The following PPP3CA variants were observed in gnomAD, a reference collection of about 807,000 sequenced individuals.
The protein encoded by PPP3CA is protein phosphatase 3 catalytic subunit alpha.
A neutral mutation model predicts 66.5 loss-of-function variants in PPP3CA; 14 were observed. The ratio of observed to expected loss-of-function variants is 0.21; its 90% CI spans 0.14 to 0.33. The LOEUF (loss-of-function observed/expected upper bound fraction) is 0.33. PPP3CA is among the 10% of genes least tolerant of loss of function. The pLI, the probability that PPP3CA is intolerant of heterozygous loss-of-function variation, is 1.00. For synonymous variants in PPP3CA, 232 were observed against 226.2 expected, an observed-to-expected ratio of 1.03 and a Z score of -0.23; for missense variants, 317 against 639.5, an observed-to-expected ratio of 0.50 and a Z score of 5.44.
At chr4:101,141,191 G>A (rs959118565) in intron 2 of PPP3CA, among the ~76,000 whole-genome samples, 1 of 152,026 alleles carries the variant, frequency 6.6e-6, no homozygotes, top group Non-Finnish European at 1.5e-5. Flanking sequence ...CCAAAATGGT[G>A]AAACCCCGCC....
At chr4:101,265,913 A>G (rs963153233) in intron 1 of PPP3CA, among the ~76,000 whole-genome samples, 2 of 152,130 alleles carry the variant, frequency 1.3e-5, no homozygotes, top group Admixed American at 6.5e-5. Context: ...TGCAGCTCAC[A>G]TGCTCTACCT....
chr4:101,266,226 C>A (rs1727165952), intron 1 of PPP3CA, among the ~76,000 whole-genome samples: 1 of 152,026 alleles, frequency 6.6e-6, no homozygotes, highest in South Asian at 2.1e-4. Flanking sequence ...TCTTTTAACT[C>A]TGTCAAAATA....
intron 1 of PPP3CA, among the ~76,000 whole-genome samples, chr4:101,278,849 T>C (rs1017757437): frequency 6.6e-6 from 1 of 152,204 alleles, no homozygotes; most frequent in Non-Finnish European, 1.5e-5. Context: ...GCCCCCTTTG[T>C]GCCACTGGCT....
At chr4:101,264,853 G>A (rs1201528664) in intron 1 of PPP3CA, among the ~76,000 whole-genome samples, 1 of 152,132 alleles carries the variant, frequency 6.6e-6, no homozygotes, top group Non-Finnish European at 1.5e-5. Context: ...GAGTTCTGGT[G>A]ATATATGCCC....
intron 1 of PPP3CA, 71 bp downstream of exon 1, chr4:101,346,668 G>A (rs1730011294): frequency 7.3e-7 from 1 of 1,365,596 alleles, no homozygotes; most frequent in East Asian, 2.4e-5. Flanking sequence ...GGGAGGAAAG[G>A]CGAGGCGAGG....
intron 8 of PPP3CA, among the ~76,000 whole-genome samples, chr4:101,070,385 G>A (rs1728866385): frequency 6.6e-6 from 1 of 152,068 alleles, no homozygotes; most frequent in African/African-American, 2.4e-5. Flanking sequence ...AGCAATTCAG[G>A]TAAAAGGCAA....
chr4:101,104,722 C>T (rs1730585091), intron 3 of PPP3CA, among the ~76,000 whole-genome samples: 4 of 152,222 alleles, frequency 2.6e-5, no homozygotes, highest in Non-Finnish European at 4.4e-5. Context: ...AATAAAAAAT[C>T]CTTAAAGTAT....
chr4:101,136,059 C>T lies in PPP3CA; in HGVS notation c.260-26981G>A, dbSNP rs145674295. Among the ~76,000 whole-genome samples, 949 of 152,198 alleles carry T rather than the reference C, an allele frequency of 6.2e-3. 9 individuals carry two copies. The highest frequency in any genetic ancestry group is 0.022 in the African/African-American group (900 of 41,518). On this transcript the variant is annotated intron_variant, in intron 2 of 13. Coordinates refer to ENST00000394854, the MANE Select transcript of PPP3CA (RefSeq NM_000944.5). ...CTGTCACTACCATATTTCAATATACCACTGATTATAAGACATATGATTAGT... is the reference window on the plus strand; with the variant it reads ...CTGTCACTACCATATTTCAATATACTACTGATTATAAGACATATGATTAGT...
chr4:101,270,617 A>C (rs1727308050), intron 1 of PPP3CA, among the ~76,000 whole-genome samples: 1 of 152,174 alleles, frequency 6.6e-6, no homozygotes, highest in South Asian at 2.1e-4. Context: ...TCATAATTAA[A>C]GTACATCTTC....
At chr4:101,280,637 T>C (rs1578624810) in intron 1 of PPP3CA, among the ~76,000 whole-genome samples, 2 of 151,876 alleles carry the variant, frequency 1.3e-5, no homozygotes, top group Non-Finnish European at 2.9e-5. Context: ...CTAGCCAACA[T>C]AGTGAAACCC....
chr4:101,252,362 A>G (rs907026460), intron 1 of PPP3CA, among the ~76,000 whole-genome samples: 5 of 152,238 alleles, frequency 3.3e-5, no homozygotes, highest in African/African-American at 1.2e-4. Flanking sequence ...TTGTAAATAC[A>G]GTAGAGAATT....
chr4:101,109,438 T>C (rs928278069), intron 2 of PPP3CA, among the ~76,000 whole-genome samples: 1 of 151,358 alleles, frequency 6.6e-6, no homozygotes, highest in Non-Finnish European at 1.5e-5. Flanking sequence ...AAAAATGCCA[T>C]GAGATATGTT....
In PPP3CA at chr4:101,196,220, A is replaced by T. The variant is rs1012315343; in HGVS notation, c.59-104T>A. On this transcript the variant is annotated intron_variant, in intron 1 of 13. Transcript: ENST00000394854. ...TCCTCATCACAAACCAACTAATATA[A>T]TATTTTTAGAGTGGCTGAATTAAAA... 2.9e-6 allele frequency: 3 copies of T among 1,023,474 alleles called. No individual in the cohort carries two copies. The African/African-American group carries it at 4.9e-5, about 17-fold the overall frequency. The allele number at this position is 1,023,474 out of a possible 1,614,324, so 63.4% of individuals were successfully genotyped here.
At chr4:101,300,186 C>T (rs1408777127) in intron 1 of PPP3CA, among the ~76,000 whole-genome samples, 1 of 152,174 alleles carries the variant, frequency 6.6e-6, no homozygotes, top group African/African-American at 2.4e-5. Context: ...TACAAATTAG[C>T]TTCACTTAAC....
intron 1 of PPP3CA, among the ~76,000 whole-genome samples, chr4:101,271,671 C>T (rs952104415): frequency 2.0e-5 from 3 of 152,164 alleles, no homozygotes; most frequent in African/African-American, 7.2e-5. Context: ...CCCTTCCCCT[C>T]CCATCTTTAG....
Position 101,029,418 on chromosome 4 carries a change from T to A in PPP3CA, c.1340-223A>T, listed in dbSNP as rs560499870. On this transcript the variant is annotated intron_variant, in intron 12 of 13. Transcript: ENST00000394854. ...TTATAAATTTAATTTATGAGCTGGG[T>A]ACGCCTATCTGAATTAAATGTTTTG... Among the ~76,000 whole-genome samples, 7 of 147,630 alleles carry A rather than the reference T, an allele frequency of 4.7e-5. No individual in the cohort carries two copies. The South Asian group carries it at 1.5e-3, about 31-fold the overall frequency.
At chr4:101,309,789 G>A (rs1396697777) in intron 1 of PPP3CA, among the ~76,000 whole-genome samples, 2 of 152,168 alleles carry the variant, frequency 1.3e-5, no homozygotes, top group Admixed American at 6.5e-5. Flanking sequence ...GTTCTCTAAC[G>A]TGTGATACAA....
chr4:101,192,325 T>G (rs1724633192), intron 2 of PPP3CA, among the ~76,000 whole-genome samples: 1 of 152,076 alleles, frequency 6.6e-6, no homozygotes. Context: ...ACCCCACTCT[T>G]AAGAATTCCT....
rs1205104255 is a variant in PPP3CA at position 101,024,468 on chromosome 4, C to T, written c.*1397G>A. The T allele has an allele frequency of 6.6e-6, 1 of 152,540 alleles. No individual in the cohort carries two copies. The highest frequency in any genetic ancestry group is 1.5e-5 in the Non-Finnish European group (1 of 68,030). 9.4% of individuals were successfully genotyped at this position (152,540 alleles called of 1,614,324 possible). A position where few individuals can be genotyped will look rare whatever the true frequency, so the allele number is the denominator to read the frequency against. ...TAGGCTGTAGTGAATTACTTGGGCA[C>T]TTATACAATTGTTAAAAAATATGAA... On this transcript the variant is annotated 3_prime_UTR_variant, in exon 14 of 14. Coordinates refer to ENST00000394854, the MANE Select transcript of PPP3CA (RefSeq NM_000944.5).
Sources: allele counts gnomAD v4.1 joint callset (sites outside exome capture counted in the v4.1 genomes callset), GRCh38; gene constraint gnomAD v4.1.1; transcripts MANE v1.5; gene names NCBI Gene and HGNC (gene_info 2026-07-23, HGNC 2026-07-21).